Variants in PLCL2 observed in about 807,000 individuals in gnomAD.
PLCL2 encodes the protein phospholipase C like 2, also known as inactive phospholipase C-like protein 2.
A neutral mutation model predicts 79.6 loss-of-function variants in PLCL2; 4 were observed. The observed-to-expected ratio is 0.05, with a 90% CI of 0.02 to 0.11. PLCL2 has a LOEUF of 0.11. Ranked by LOEUF, PLCL2 falls within the 10% of genes least tolerant of loss-of-function variation. The pLI, the probability that PLCL2 is intolerant of heterozygous loss-of-function variation, is 1.00. For synonymous variants in PLCL2, 484 were observed against 457.7 expected, an observed-to-expected ratio of 1.06 and a Z score of -0.73; for missense variants, 895 against 1,291.0, an observed-to-expected ratio of 0.69 and a Z score of 4.70.
chr3:16,948,947 A>G (rs1485660836), intron 1 of PLCL2, among the ~76,000 whole-genome samples: 1 of 152,256 alleles, frequency 6.6e-6, no homozygotes. Context: ...ATAATATATC[A>G]TAGTTTGCCA....
At chr3:17,025,835 C>T (rs4535206) in intron 3 of PLCL2, among the ~76,000 whole-genome samples, 2 of 152,146 alleles carry the variant, frequency 1.3e-5, no homozygotes, top group Admixed American at 1.3e-4. Flanking sequence ...TGTTACGTTA[C>T]ATTTGACCTC....
At chr3:17,004,174 A>G (rs1194963640) in intron 1 of PLCL2, among the ~76,000 whole-genome samples, 2 of 152,098 alleles carry the variant, frequency 1.3e-5, no homozygotes, top group African/African-American at 4.8e-5. Flanking sequence ...TGATGCATAC[A>G]AGAACAGTTA....
At chr3:17,042,569 AT>A (rs1191385333) in intron 3 of PLCL2, among the ~76,000 whole-genome samples, 1 of 152,198 alleles carries the variant, frequency 6.6e-6, no homozygotes, top group African/African-American at 2.4e-5. Context: ...TTGCACGCAT[AT>A]TTGTAGCTTT....
chr3:16,913,094 G>A (rs1696919216), intron 1 of PLCL2, among the ~76,000 whole-genome samples: 2 of 152,000 alleles, frequency 1.3e-5, no homozygotes, highest in South Asian at 4.2e-4. Flanking sequence ...TTGCTCTGAG[G>A]CTGAAGCCCT....
chr3:17,032,133 A>G (rs1324006206), intron 3 of PLCL2, among the ~76,000 whole-genome samples: 1 of 152,128 alleles, frequency 6.6e-6, no homozygotes, highest in Admixed American at 6.6e-5. Context: ...TTTTCCAAAA[A>G]TTTAGAGTAG....
At chr3:16,914,237 A>G (rs1190969787) in intron 1 of PLCL2, among the ~76,000 whole-genome samples, 1 of 152,212 alleles carries the variant, frequency 6.6e-6, no homozygotes, top group African/African-American at 2.4e-5. Flanking sequence ...ATAGTCTATA[A>G]AGTTTTCATG....
At chr3:16,993,169 TAAG>T (rs2064121061) in intron 1 of PLCL2, among the ~76,000 whole-genome samples, 2 of 152,212 alleles carry the variant, frequency 1.3e-5, no homozygotes, top group Non-Finnish European at 2.9e-5. Context: ...ACATTATTAA[TAAG>T]GTCACTTTCA....
At chr3:16,927,508 A>G (rs1406506958) in intron 1 of PLCL2, among the ~76,000 whole-genome samples, 1 of 152,224 alleles carries the variant, frequency 6.6e-6, no homozygotes, top group Non-Finnish European at 1.5e-5. Flanking sequence ...TATCTGGGGC[A>G]TGAACAAGTT....
rs1355951593 is a variant in PLCL2, at chr3:16,886,543, C to G, written c.327+1177C>G. ...TAGTGAAATATACCATCTTGCTACTCTATGTAAGAGGCAATTGTGAAACTG... is the reference window on the plus strand; with the variant it reads ...TAGTGAAATATACCATCTTGCTACTGTATGTAAGAGGCAATTGTGAAACTG... On this transcript the variant is annotated intron_variant, in intron 1 of 5. Transcript: ENST00000615277. The surrounding 1 kb of genome is among the most constrained non-coding windows in gnomAD (Gnocchi z 4.2). 6.6e-6 allele frequency among the ~76,000 whole-genome samples: 1 copy of G among 152,190 alleles called. No homozygotes were observed. Among genetic ancestry groups the G allele is most frequent in the African/African-American group, 2.4e-5 (1 of 41,440 alleles).
chr3:16,975,852 A>G (rs1287797231), intron 1 of PLCL2, among the ~76,000 whole-genome samples: 2 of 152,178 alleles, frequency 1.3e-5, no homozygotes. Flanking sequence ...TCTAGGCCCC[A>G]TTTGCCAGCA....
intron 3 of PLCL2, among the ~76,000 whole-genome samples, chr3:17,018,350 GC>G (rs1271197716): frequency 4.6e-5 from 7 of 152,126 alleles, no homozygotes; most frequent in Admixed American, 4.6e-4. Flanking sequence ...GGGGCCTCAT[GC>G]AAATGGAGGC....
At chr3:16,897,871 A>G (rs1456851932) in intron 1 of PLCL2, among the ~76,000 whole-genome samples, 1 of 152,262 alleles carries the variant, frequency 6.6e-6, no homozygotes, top group Non-Finnish European at 1.5e-5. Context: ...AAGCAGTAAC[A>G]TGAAGATTTC....
At chr3:16,902,457 G>A (rs1239568850) in intron 1 of PLCL2, among the ~76,000 whole-genome samples, 2 of 152,154 alleles carry the variant, frequency 1.3e-5, no homozygotes, top group South Asian at 2.1e-4. Context: ...AATTAAACAA[G>A]TGCATGATTT....
At chr3:16,955,356 C>G (rs554030294) in intron 1 of PLCL2, among the ~76,000 whole-genome samples, 60 of 152,216 alleles carry the variant, frequency 3.9e-4, no homozygotes, top group African/African-American at 1.4e-3. Context: ...GGTATTATTT[C>G]TGAGGGCTCT....
chr3:16,949,539 G>A lies in PLCL2; in HGVS notation c.328-60135G>A, dbSNP rs540278249. Among the ~76,000 whole-genome samples the A allele has an allele frequency of 7.2e-4, 109 of 152,170 alleles. 1 individual carries two copies. Among genetic ancestry groups the A allele is most frequent in the African/African-American group, 2.5e-3 (105 of 41,534 alleles). On this transcript the variant is annotated intron_variant, in intron 1 of 5. Transcript: ENST00000615277. ...TGGATATTAGTCTTCTGTCTCATAG[G>A]AATTGTAAATGTTTCTTCCTCTGTG...
chr3:16,941,048 C>G (rs1168776747), intron 1 of PLCL2, among the ~76,000 whole-genome samples: 1 of 152,200 alleles, frequency 6.6e-6, no homozygotes, highest in Non-Finnish European at 1.5e-5. Context: ...CTGCCTGCAG[C>G]TTTCCTCTCC....
intron 3 of PLCL2, among the ~76,000 whole-genome samples, chr3:17,041,289 G>A (rs954068155): frequency 6.6e-6 from 1 of 152,162 alleles, no homozygotes; most frequent in Non-Finnish European, 1.5e-5. Context: ...CATAGGCTGT[G>A]GACTTCTTGA....
intron 1 of PLCL2, among the ~76,000 whole-genome samples, chr3:16,966,768 T>G (rs1459953617): frequency 6.6e-6 from 1 of 152,150 alleles, no homozygotes; most frequent in Non-Finnish European, 1.5e-5. Context: ...GTCCAGGAAT[T>G]TATCCATTTC....
intron 1 of PLCL2, among the ~76,000 whole-genome samples, chr3:16,973,082 G>T (rs185394539): frequency 6.6e-6 from 1 of 152,174 alleles, no homozygotes; most frequent in East Asian, 1.9e-4. Context: ...TAGTATCAAT[G>T]GTCTATGTAT....
Sources: allele counts gnomAD v4.1 joint callset (sites outside exome capture counted in the v4.1 genomes callset), GRCh38; gene constraint gnomAD v4.1.1; non-coding constraint Gnocchi (gnomAD v3.1); transcripts MANE v1.5; gene names NCBI Gene and HGNC (gene_info 2026-07-23, HGNC 2026-07-21).